The following PIR variants were observed in gnomAD, a reference collection of about 807,000 sequenced individuals.
PIR encodes pirin (iron-binding nuclear protein).
In PIR, 22 loss-of-function variants were observed where a neutral mutation model predicts 24.2. The ratio of observed to expected loss-of-function variants is 0.91; its 90% CI spans 0.65 to 1.30. The LOEUF is 1.30. PIR is among the 50% of genes most tolerant of loss of function. The pLI is 0.00. For missense variants in PIR, 220 were observed against 220.3 expected (o/e 1.00, Z 0.01); for synonymous variants, 80 against 79.6 (o/e 1.00, Z -0.03).
intron 3 of PIR, among the ~76,000 whole-genome samples, chrX:15,472,144 C>T (rs773489488): frequency 8.9e-6 from 1 of 112,094 alleles, no homozygotes; most frequent in Non-Finnish European, 1.9e-5. Flanking sequence ...CATGAGGGCA[C>T]AGTTCATCTT....
At chrX:15,387,987 T>C (rs1923829464) in intron 9 of PIR, among the ~76,000 whole-genome samples, 1 of 111,758 alleles carries the variant, frequency 8.9e-6, no homozygotes, top group Non-Finnish European at 1.9e-5. Flanking sequence ...ACCTCTGTTA[T>C]ACAGGGAAGC....
chrX:15,392,485 G>A (rs1021022683), intron 8 of PIR, among the ~76,000 whole-genome samples: 2 of 111,400 alleles, frequency 1.8e-5, no homozygotes, highest in African/African-American at 6.5e-5. Flanking sequence ...AATGTTACTA[G>A]TTCCAGAAGA....
intron 7 of PIR, 146 bp from the exon 8 acceptor site, chrX:15,397,677 A>C: frequency 2.3e-6 from 1 of 426,770 alleles, no homozygotes; most frequent in African/African-American, 2.5e-5. Flanking sequence ...CTCTTGGTTA[A>C]TTATATTTGC....
At chrX:15,449,166 G>A (rs1304853450) in intron 5 of PIR, among the ~76,000 whole-genome samples, 1 of 111,926 alleles carries the variant, frequency 8.9e-6, no homozygotes, top group Non-Finnish European at 1.9e-5. Flanking sequence ...GAGGGGACCT[G>A]GGTTGGACCT....
chrX:15,473,806 C>T lies in PIR; in HGVS notation c.189+5923G>A, dbSNP rs901927136. Among the ~76,000 whole-genome samples, 10 of 112,515 alleles carry T rather than the reference C, an allele frequency of 8.9e-5. No individual in the cohort carries two copies. The East Asian group carries it at 2.8e-3, about 31-fold the overall frequency. On this transcript the variant is annotated intron_variant, in intron 3 of 9. Transcript: ENST00000380420. ...TCCTGACCTCATGATCCGCCCGCCTCGGCCTCCCAGAGTGCTGGGATTACA... is the reference window on the plus strand; with the variant it reads ...TCCTGACCTCATGATCCGCCCGCCTTGGCCTCCCAGAGTGCTGGGATTACA...
Position 15,385,768 on chromosome X carries a change from C to T in PIR, c.761-652G>A, listed in dbSNP as rs186539675. 3.7e-3 allele frequency among the ~76,000 whole-genome samples: 418 copies of T among 112,237 alleles called. 3 individuals are homozygous for T. Among genetic ancestry groups the T allele is most frequent in the African/African-American group, 0.013 (392 of 30,914 alleles). On this transcript the variant is annotated intron_variant, in intron 9 of 9. Coordinates refer to ENST00000380420, the MANE Select transcript of PIR (RefSeq NM_001018109.3). ...CAACTCTTTCATCAAAGTGCAAAAG[C>T]AGCCATAGATAATGCAAAAGTGAAT... is the stretch of plus-strand genomic sequence containing the variant.
intron 4 of PIR, among the ~76,000 whole-genome samples, chrX:15,459,056 C>T (rs913024088): frequency 3.6e-5 from 4 of 112,276 alleles, no homozygotes; most frequent in East Asian, 2.7e-4. Context: ...TATAGAGTTT[C>T]GACTTACAAA....
At chrX:15,408,141 G>C (rs1924609867) in intron 6 of PIR, among the ~76,000 whole-genome samples, 1 of 111,302 alleles carries the variant, frequency 9.0e-6, no homozygotes, top group Non-Finnish European at 1.9e-5. Flanking sequence ...TTATTTAGTA[G>C]AGATGCGGTT....
chrX:15,482,342 G>C (rs1922552380), intron 2 of PIR, among the ~76,000 whole-genome samples: 1 of 111,592 alleles, frequency 9.0e-6, no homozygotes, highest in Non-Finnish European at 1.9e-5. Flanking sequence ...ATTTTACATA[G>C]ATTGCTTTAT....
intron 4 of PIR, among the ~76,000 whole-genome samples, chrX:15,457,372 G>A (rs1314584411): frequency 2.7e-5 from 3 of 111,922 alleles, no homozygotes; most frequent in Non-Finnish European, 5.6e-5. Context: ...TCACAGTTGG[G>A]CCAAAGGGCT....
intron 5 of PIR, chrX:15,429,533 A>G (rs937475699): frequency 2.7e-5 from 3 of 111,899 alleles, no homozygotes; most frequent in African/African-American, 9.8e-5. Flanking sequence ...AAAGCCTTCA[A>G]AACTGAATGT....
chrX:15,398,669 G>GGTGT (rs371177726), intron 7 of PIR, among the ~76,000 whole-genome samples: 11,780 of 75,969 alleles, frequency 0.16, 766 homozygotes, highest in East Asian at 0.33. Context: ...GAGGAGGGAG[G>GGTGT]GTGTGTGTGT....
chrX:15,465,430 TC>T (rs1403720031), intron 3 of PIR, among the ~76,000 whole-genome samples: 1 of 112,145 alleles, frequency 8.9e-6, no homozygotes, highest in Admixed American at 9.5e-5. Context: ...AAGCAGTACT[TC>T]TGAGAGTTGA....
At chrX:15,445,329 G>A (rs1926050823) in intron 5 of PIR, among the ~76,000 whole-genome samples, 1 of 111,007 alleles carries the variant, frequency 9.0e-6, no homozygotes, top group African/African-American at 3.3e-5. Context: ...CGATCATCTT[G>A]AACAATGAGA....
chrX:15,488,207 G>A, intron 2 of PIR, among the ~76,000 whole-genome samples: 1 of 105,779 alleles, frequency 9.5e-6, no homozygotes, highest in Non-Finnish European at 1.9e-5. Flanking sequence ...GAACCAGGGA[G>A]GTGGAGGTTG....
chrX:15,412,208 C>T (rs1444074894), intron 6 of PIR, among the ~76,000 whole-genome samples: 1 of 111,976 alleles, frequency 8.9e-6, no homozygotes, highest in African/African-American at 3.2e-5. Flanking sequence ...CAGGACCCAA[C>T]CTGCGATCAC....
chrX:15,412,703 T>C (rs894945572), intron 6 of PIR, among the ~76,000 whole-genome samples: 2 of 111,961 alleles, frequency 1.8e-5, no homozygotes, highest in Non-Finnish European at 3.8e-5. Context: ...ATGGCCTCTC[T>C]GCCTGCCCCG....
At chrX:15,450,475 A>G (rs1040663386) in intron 5 of PIR, among the ~76,000 whole-genome samples, 5 of 111,372 alleles carry the variant, frequency 4.5e-5, no homozygotes, top group African/African-American at 6.5e-5. Flanking sequence ...ATGATTTAAT[A>G]GTTTTTTTTT....
chrX:15,423,343 C>T lies in PIR; in HGVS notation c.565+2563G>A, dbSNP rs141195664. 6.9e-3 allele frequency among the ~76,000 whole-genome samples: 778 copies of T among 112,250 alleles called. 5 individuals are homozygous for T. Among genetic ancestry groups the T allele is most frequent in the African/African-American group, 0.023 (725 of 30,936 alleles). ...ACAATCAATAACATGAGGCTGGGTG[C>T]GGTGGCTCACGCCTGTAATCCCAGC... On this transcript the variant is annotated intron_variant, in intron 6 of 9. Transcript: ENST00000380420.
Sources: gnomAD v4.1 joint callset for allele counts (sites outside exome capture counted in the v4.1 genomes callset) on GRCh38, gnomAD v4.1.1 for gene constraint, MANE v1.5 for transcripts, NCBI Gene and HGNC (gene_info 2026-07-23, HGNC 2026-07-21) for gene names.